TMEM245: variants seen among roughly 807,000 people sequenced by gnomAD.
The protein encoded by TMEM245 is protein CG-2.
TMEM245 carries 69 observed loss-of-function variants against 101.2 expected under a neutral mutation model. That is an observed-to-expected ratio of 0.68 (90% CI 0.56 to 0.83). The LOEUF is 0.83. Among genes scored for constraint, TMEM245 ranks in the 40% least tolerant of loss-of-function variants. The pLI, the probability that TMEM245 is intolerant of heterozygous loss-of-function variation, is 0.00. For synonymous variants in TMEM245, 537 were observed against 449.8 expected, an observed-to-expected ratio of 1.19 and a Z score of -2.45; for missense variants, 1,075 against 1,092.8, an observed-to-expected ratio of 0.98 and a Z score of 0.23.
chr9:109,033,394 G>A lies in TMEM245; in HGVS notation c.2507C>T (p.Ala836Val), dbSNP rs529918629. 2 of 1,614,154 alleles carry A rather than the reference G, an allele frequency of 1.2e-6. No homozygotes were observed. Among genetic ancestry groups the A allele is most frequent in the East Asian group, 2.2e-5 (1 of 44,892 alleles). ...TAGCATGGCACTATAGATATTGGAAGCAACCACAAGTATGCAGAGAAGAAT... is the reference window on the plus strand; with the variant it reads ...TAGCATGGCACTATAGATATTGGAAACAACCACAAGTATGCAGAGAAGAAT... ...GPILLCILVV[A>V]SNIYSAMLVS... The change falls in exon 17 of 18, where the codon GCT becomes GTT. Residue 836 changes from alanine to valine, a missense_variant. Transcript: ENST00000374586.
At position 109,091,010 on chromosome 9, in the gene TMEM245, G is replaced by T. The variant is rs765207623; in HGVS notation, c.1062C>A (p.Ile354=). ...TFLRKKKTSD[I]YFVSLVWAIV... ...TGGCCCAAACTAGAGACACAAAGTA[G>T]ATGTCACTAGTTTTCTTCTTTCTAA... Residue 354 remains isoleucine, a synonymous_variant, in exon 5 of 18, where the codon ATC becomes ATA. Transcript: ENST00000374586. 3 of 1,614,064 alleles carry T rather than the reference G, an allele frequency of 1.9e-6. No homozygotes were observed. The highest frequency in any genetic ancestry group is 2.5e-6 in the Non-Finnish European group (3 of 1,180,042).
intron 12 of TMEM245, among the ~76,000 whole-genome samples, chr9:109,055,711 C>T (rs531615161): frequency 2.0e-5 from 3 of 151,766 alleles, no homozygotes; most frequent in South Asian, 2.1e-4. Flanking sequence ...CTCAGCTCAC[C>T]GCACCCTCCG....
intron 17 of TMEM245, among the ~76,000 whole-genome samples, chr9:109,032,205 T>C (rs1397083774): frequency 6.6e-6 from 1 of 152,098 alleles, no homozygotes; most frequent in Non-Finnish European, 1.5e-5. Flanking sequence ...TATCGAAGTA[T>C]CATTGTTAAA....
At chr9:109,026,087 GA>G (rs1451435829) in intron 17 of TMEM245, among the ~76,000 whole-genome samples, 1 of 152,220 alleles carries the variant, frequency 6.6e-6, no homozygotes, top group Admixed American at 6.5e-5. Flanking sequence ...AGCCCTTTCA[GA>G]GCTCATGCTT....
chr9:109,090,931 G>C lies in TMEM245; in HGVS notation c.1141C>G (p.Pro381Ala), dbSNP rs780853681. The C allele has an allele frequency of 6.2e-7, 1 of 1,613,912 alleles. No individual in the cohort carries two copies. The highest frequency in any genetic ancestry group is 2.2e-5 in the East Asian group (1 of 44,870). The change falls in exon 5 of 18, where the codon CCG (proline) becomes GCG (alanine). Residue 381 changes from proline (P) to alanine (A), a missense_variant. Pro to Ala is a conservative substitution (Grantham distance 27). This residue lies in a region of TMEM245 where 808 missense variants were observed against 741.5 expected (regional missense o/e 1.09). Transcript: ENST00000374586. ...TTAACCAGATAACGACCTGCAATCG[G>C]CACTGGCAGCAACTGCACAATCCAC... ...NLWIVQLLPV[P>A]IAVWILKKLV...
At chr9:109,080,984 A>T in intron 7 of TMEM245, 41 bp from the exon 8 acceptor site, 1 of 1,307,238 alleles carries the variant, frequency 7.6e-7, no homozygotes, top group Non-Finnish European at 1.1e-6. Context: ...TCTTTAAAGT[A>T]GAACTTTAAA....
chr9:109,050,941 C>A (rs188231549), intron 12 of TMEM245, among the ~76,000 whole-genome samples: 2 of 151,426 alleles, frequency 1.3e-5, no homozygotes, highest in East Asian at 3.9e-4. Context: ...ACTGTTATAA[C>A]ATGGGAAAAT....
In TMEM245 at chr9:109,020,251, T is replaced by A. The variant is rs7776; in HGVS notation, c.*209A>T. 6 of 622,368 alleles carry A rather than the reference T, an allele frequency of 9.6e-6. No homozygotes were observed. Among genetic ancestry groups the A allele is most frequent in the African/African-American group, 3.7e-5 (2 of 54,076 alleles). The allele number at this position is 622,368 out of a possible 1,614,324, so 38.6% of individuals were successfully genotyped here. ...ACAGTTAAGTGAGCAAACCACCAAC[T>A]CTGAACTCTCAAGCTGTGTTTTAAA... On this transcript the variant is annotated 3_prime_UTR_variant, in exon 18 of 18. Transcript: ENST00000374586.
intron 2 of TMEM245, among the ~76,000 whole-genome samples, chr9:109,107,870 T>C (rs943998438): frequency 3.9e-5 from 6 of 152,236 alleles, no homozygotes; most frequent in Non-Finnish European, 8.8e-5. Flanking sequence ...TGAGCAGCTC[T>C]GACATGAATC....
chr9:109,047,884 C>T (rs1828546624), intron 14 of TMEM245, among the ~76,000 whole-genome samples: 2 of 152,188 alleles, frequency 1.3e-5, no homozygotes, highest in African/African-American at 2.4e-5. Context: ...CTTTACCCCA[C>T]TGGGAAGATA....
chr9:109,076,274 G>A (rs1829495718), intron 8 of TMEM245, among the ~76,000 whole-genome samples: 1 of 150,118 alleles, frequency 6.7e-6, no homozygotes, highest in South Asian at 2.1e-4. Context: ...GCAAACTATC[G>A]CAAAGACAAA....
At chr9:109,075,657 C>T (rs1330086065) in intron 8 of TMEM245, among the ~76,000 whole-genome samples, 1 of 152,112 alleles carries the variant, frequency 6.6e-6, no homozygotes, top group South Asian at 2.1e-4. Context: ...ACAATATTCC[C>T]TTATCCTTTC....
At chr9:109,064,679 C>A (rs555470112) in intron 9 of TMEM245, 112 bp from the exon 10 acceptor site, 7 of 777,634 alleles carry the variant, frequency 9.0e-6, no homozygotes, top group Non-Finnish European at 1.4e-5. Flanking sequence ...TGATCATTCA[C>A]CAATACACAG....
At chr9:109,070,477 CT>C (rs1564190796) in intron 9 of TMEM245, among the ~76,000 whole-genome samples, 1 of 152,140 alleles carries the variant, frequency 6.6e-6, no homozygotes, top group Non-Finnish European at 1.5e-5. Context: ...CCCTTAAGAC[CT>C]TATAAATCTG....
chr9:109,037,343 G>GT (rs1828160396), intron 15 of TMEM245, among the ~76,000 whole-genome samples: 1 of 152,172 alleles, frequency 6.6e-6, no homozygotes, highest in Non-Finnish European at 1.5e-5. Flanking sequence ...TGTCCTAGGT[G>GT]TTATGCTAAG....
intron 3 of TMEM245, 32 bp from the exon 4 acceptor site, chr9:109,093,623 TTAAAG>T: frequency 6.4e-7 from 1 of 1,557,786 alleles, no homozygotes; most frequent in Non-Finnish European, 8.9e-7. Context: ...TCAAAACTCT[TTAAAG>T]TAGGAAATAA....
intron 14 of TMEM245, among the ~76,000 whole-genome samples, chr9:109,047,374 C>A (rs542981515): frequency 7.2e-5 from 11 of 152,296 alleles, no homozygotes; most frequent in African/African-American, 2.4e-4. Context: ...TCTTTGTAAT[C>A]TCAAATTCTC....
intron 3 of TMEM245, among the ~76,000 whole-genome samples, chr9:109,105,386 C>T (rs1325018596): frequency 2.0e-5 from 3 of 152,186 alleles, no homozygotes; most frequent in African/African-American, 7.2e-5. Context: ...AAATTAGAAT[C>T]CTCATACACT....
chr9:109,106,411 T>G, intron 3 of TMEM245, 97 bp downstream of exon 3: 7 of 681,222 alleles, frequency 1.0e-5, no homozygotes. Context: ...CATAGGTTTT[T>G]AAATAGATTC....
Sources: allele counts gnomAD v4.1 joint callset (sites outside exome capture counted in the v4.1 genomes callset), GRCh38; gene constraint gnomAD v4.1.1; regional missense constraint gnomAD v4.1.1; transcripts MANE v1.5; gene names NCBI Gene and HGNC (gene_info 2026-07-23, HGNC 2026-07-21).